The following GRIN2A variants were observed in gnomAD, a reference collection of about 807,000 sequenced individuals.
GRIN2A encodes the protein glutamate ionotropic receptor NMDA type subunit 2A, also known as glutamate receptor ionotropic, NMDA 2A.
GRIN2A carries 22 observed loss-of-function variants against 113.4 expected under a neutral mutation model. That is an observed-to-expected ratio of 0.19 (90% CI 0.14 to 0.28). GRIN2A has a LOEUF of 0.28. Ranked by LOEUF, GRIN2A falls within the 10% of genes least tolerant of loss-of-function variation. The pLI is 1.00. For missense variants in GRIN2A, 1,502 were observed against 1,887.0 expected (o/e 0.80, Z 3.78); for synonymous variants, 827 against 738.4 (o/e 1.12, Z -1.94).
chr16:10,037,922 C>G (rs1163996861), intron 2 of GRIN2A, among the ~76,000 whole-genome samples: 1 of 152,148 alleles, frequency 6.6e-6, no homozygotes, highest in African/African-American at 2.4e-5. Context: ...CCTGGCTCTA[C>G]TCCCATTTCT....
At chr16:10,176,973 AAC>A (rs1278364524) in intron 2 of GRIN2A, among the ~76,000 whole-genome samples, 1 of 152,220 alleles carries the variant, frequency 6.6e-6, no homozygotes, top group Non-Finnish European at 1.5e-5. Context: ...AAGTAAATAT[AAC>A]ACACGTGTGT....
At chr16:9,850,085 T>C in intron 4 of GRIN2A, 124 bp from the exon 5 acceptor site, 2 of 792,732 alleles carry the variant, frequency 2.5e-6, no homozygotes, top group South Asian at 2.9e-5. Flanking sequence ...TATCTCAACA[T>C]ATGCATCTAC....
At chr16:10,130,883 G>T (rs1209006647) in intron 2 of GRIN2A, among the ~76,000 whole-genome samples, 2 of 152,174 alleles carry the variant, frequency 1.3e-5, no homozygotes, top group African/African-American at 4.8e-5. Context: ...CAGGGAGCTG[G>T]AACTCAGAGC....
intron 2 of GRIN2A, among the ~76,000 whole-genome samples, chr16:9,998,833 C>G (rs933375068): frequency 6.6e-6 from 1 of 152,084 alleles, no homozygotes; most frequent in African/African-American, 2.4e-5. Flanking sequence ...TCCTCCCCCT[C>G]CTGCAAAAAC....
chr16:9,799,595 C>T (rs921202464), intron 10 of GRIN2A, among the ~76,000 whole-genome samples: 18 of 152,106 alleles, frequency 1.2e-4, no homozygotes, highest in Admixed American at 7.9e-4. Context: ...TGCTGTGTTC[C>T]GATAAAATGT....
Position 9,832,551 on chromosome 16 carries a change from A to T in GRIN2A, c.1777+1554T>A, listed in dbSNP as rs189257415. On this transcript the variant is annotated intron_variant, in intron 8 of 12. Coordinates refer to ENST00000330684, the MANE Select transcript of GRIN2A (RefSeq NM_001134407.3). ...AACTAAATTCTAAACTGCCTGATAGAAAATCTCTATTTGATTTACCACATT... is the reference window on the plus strand; with the variant it reads ...AACTAAATTCTAAACTGCCTGATAGTAAATCTCTATTTGATTTACCACATT... Among the ~76,000 whole-genome samples the T allele has an allele frequency of 2.0e-5, 3 of 152,316 alleles. No individual in the cohort carries two copies. In the East Asian group the frequency reaches 5.8e-4, roughly 29 times the overall value.
At chr16:9,781,507 C>T (rs1203083835) in intron 11 of GRIN2A, among the ~76,000 whole-genome samples, 2 of 152,140 alleles carry the variant, frequency 1.3e-5, no homozygotes, top group African/African-American at 2.4e-5. Flanking sequence ...ACCACAGGTG[C>T]ATGCCACTAT....
rs996900968 is a variant in GRIN2A, at chr16:9,938,277, T to A, written c.689A>T (p.Tyr230Phe). The change falls in exon 3 of 13, where the codon TAC becomes TTC. Residue 230 changes from tyrosine (Y) to phenylalanine (F), a missense_variant. Transcript: ENST00000330684. ...GAGAACAGCCTCGTCTTTGGAACAG[T>A]AGAGCAAGATGACAGAAGAGTGGAT... ...KKIHSSVILL[Y>F]CSKDEAVLIL... 1.2e-6 allele frequency: 2 copies of A among 1,614,072 alleles called. No homozygotes were observed. The highest frequency in any genetic ancestry group is 1.7e-6 in the Non-Finnish European group (2 of 1,179,938).
intron 4 of GRIN2A, among the ~76,000 whole-genome samples, chr16:9,856,778 G>GTAAT (rs1373446441): frequency 3.5e-4 from 53 of 152,036 alleles, no homozygotes; most frequent in Admixed American, 8.5e-4. Context: ...TGAGGAAACT[G>GTAAT]AGGCATGGGG....
chr16:9,956,913 T>C (rs1005614502), intron 2 of GRIN2A, among the ~76,000 whole-genome samples: 3 of 152,118 alleles, frequency 2.0e-5, no homozygotes, highest in Non-Finnish European at 4.4e-5. Context: ...AAGATAGCCA[T>C]TGGGGTGAGG....
intron 2 of GRIN2A, among the ~76,000 whole-genome samples, chr16:10,105,032 T>C (rs1300991658): frequency 1.3e-5 from 2 of 152,216 alleles, no homozygotes; most frequent in Non-Finnish European, 2.9e-5. Context: ...AAAAAGTCTT[T>C]AGTCTTCTTT....
intron 3 of GRIN2A, among the ~76,000 whole-genome samples, chr16:9,900,566 C>G (rs992421463): frequency 2.0e-5 from 3 of 152,198 alleles, no homozygotes; most frequent in Non-Finnish European, 4.4e-5. Context: ...TTTGACCCAA[C>G]TGGCCAAAGA....
intron 4 of GRIN2A, among the ~76,000 whole-genome samples, chr16:9,852,073 G>C (rs1227753782): frequency 1.3e-5 from 2 of 152,126 alleles, no homozygotes; most frequent in African/African-American, 4.8e-5. Flanking sequence ...TGTACAGTCA[G>C]GAAATGTGCC....
intron 3 of GRIN2A, among the ~76,000 whole-genome samples, chr16:9,935,161 A>T (rs746491801): frequency 1.3e-5 from 2 of 152,158 alleles, no homozygotes; most frequent in Non-Finnish European, 2.9e-5. Flanking sequence ...TTATATTTCA[A>T]TTGCCCTAAA....
rs2047287047 is a variant in GRIN2A, at chr16:10,047,846, T to G, written c.415-109295A>C. On this transcript the variant is annotated intron_variant, in intron 2 of 12. Transcript: ENST00000330684. ...CAGGAATAATTCTCAGGTGTGCATT[T>G]TACATTGATCTCAGAGCTTACCTGC... is the stretch of plus-strand genomic sequence containing the variant. Among the ~76,000 whole-genome samples, 3 of 152,342 alleles carry G rather than the reference T, an allele frequency of 2.0e-5. 1 individual carries two copies. The South Asian group carries it at 6.2e-4, about 32-fold the overall frequency.
At chr16:9,816,320 C>T (rs1028501176) in intron 10 of GRIN2A, among the ~76,000 whole-genome samples, 15 of 152,290 alleles carry the variant, frequency 9.8e-5, no homozygotes, top group Admixed American at 2.6e-4. Flanking sequence ...ATCCTCTCTT[C>T]CAATTCTTCT....
At chr16:9,797,025 T>TTAAC (rs1184356785) in intron 11 of GRIN2A, among the ~76,000 whole-genome samples, 1 of 152,212 alleles carries the variant, frequency 6.6e-6, no homozygotes, top group East Asian at 1.9e-4. Flanking sequence ...AATCTAGGAT[T>TTAAC]TAACTCTGTG....
chr16:9,981,344 A>C, intron 2 of GRIN2A, among the ~76,000 whole-genome samples: 1 of 152,228 alleles, frequency 6.6e-6, no homozygotes, highest in East Asian at 1.9e-4. Context: ...GGTCATTTCC[A>C]GAAAGGTTCA....
intron 9 of GRIN2A, among the ~76,000 whole-genome samples, chr16:9,825,961 A>G (rs1008907844): frequency 6.7e-6 from 1 of 149,778 alleles, no homozygotes; most frequent in Admixed American, 6.7e-5. Flanking sequence ...GATGAAGATG[A>G]TGGAAGGAGT....
Sources: gnomAD v4.1 joint callset for allele counts (sites outside exome capture counted in the v4.1 genomes callset) on GRCh38, gnomAD v4.1.1 for gene constraint, MANE v1.5 for transcripts, NCBI Gene and HGNC (gene_info 2026-07-23, HGNC 2026-07-21) for gene names.